RERE: variants seen among roughly 807,000 people sequenced by gnomAD.
RERE encodes the protein arginine-glutamic acid dipeptide repeats protein.
In RERE, 40 loss-of-function variants were observed where a neutral mutation model predicts 146.1. That is an observed-to-expected ratio of 0.27 (90% CI 0.21 to 0.36). The LOEUF is 0.36. Among genes scored for constraint, RERE ranks in the 10% least tolerant of loss-of-function variants. The pLI, the probability that RERE is intolerant of heterozygous loss-of-function variation, is 1.00. For missense variants in RERE, 1,933 were observed against 2,138.7 expected (o/e 0.90, Z 1.90); for synonymous variants, 1,003 against 866.0 (o/e 1.16, Z -2.78).
At chr1:8,568,365 T>A (rs1646177357) in intron 4 of RERE, among the ~76,000 whole-genome samples, 1 of 152,132 alleles carries the variant, frequency 6.6e-6, no homozygotes, top group South Asian at 2.1e-4. Flanking sequence ...CTTCCCCGCA[T>A]CTCCAGCTTG....
At chr1:8,636,978 T>A (rs907169299) in intron 2 of RERE, among the ~76,000 whole-genome samples, 10 of 151,870 alleles carry the variant, frequency 6.6e-5, no homozygotes, top group African/African-American at 2.4e-4. Context: ...TATTTTTAAA[T>A]CGGCAAAATA....
At chr1:8,557,345 A>T in intron 5 of RERE, 73 bp downstream of exon 5, 1 of 1,008,494 alleles carries the variant, frequency 9.9e-7, no homozygotes, top group Non-Finnish European at 1.6e-6. Context: ...ATCTTCATTT[A>T]ATGAAATGTC....
At chr1:8,503,417 A>G (rs1570356417) in intron 8 of RERE, among the ~76,000 whole-genome samples, 1 of 152,196 alleles carries the variant, frequency 6.6e-6, no homozygotes, top group African/African-American at 2.4e-5. Flanking sequence ...ATCAAAATCT[A>G]TATGCACAGG....
intron 4 of RERE, among the ~76,000 whole-genome samples, chr1:8,612,165 C>A (rs1210053766): frequency 6.6e-6 from 1 of 152,146 alleles, no homozygotes; most frequent in Non-Finnish European, 1.5e-5. Context: ...ACTAAATTAA[C>A]AAAAATAGTC....
intron 1 of RERE, among the ~76,000 whole-genome samples, chr1:8,745,643 C>T (rs1490565228): frequency 6.6e-6 from 1 of 152,220 alleles, no homozygotes; most frequent in Non-Finnish European, 1.5e-5. Flanking sequence ...GAAGTCTAAA[C>T]TCCTTAATAC....
At chr1:8,539,830 G>C (rs111327450) in intron 7 of RERE, among the ~76,000 whole-genome samples, 3 of 152,034 alleles carry the variant, frequency 2.0e-5, no homozygotes, top group African/African-American at 7.2e-5. Flanking sequence ...AATATTGAGA[G>C]GAAGAGAGGG....
intron 12 of RERE, among the ~76,000 whole-genome samples, chr1:8,387,856 C>G (rs757498247): frequency 2.0e-5 from 3 of 152,178 alleles, no homozygotes; most frequent in Non-Finnish European, 2.9e-5. Context: ...ATCTGCTTTT[C>G]TTGGTAAAAT....
chr1:8,372,409 T>C (rs1164996501), intron 12 of RERE, among the ~76,000 whole-genome samples: 2 of 151,714 alleles, frequency 1.3e-5, no homozygotes, highest in Non-Finnish European at 2.9e-5. Flanking sequence ...GTCTGGACAC[T>C]CCCCTGAGGA....
At chr1:8,536,177 C>T (rs1187552128) in intron 7 of RERE, among the ~76,000 whole-genome samples, 2 of 151,724 alleles carry the variant, frequency 1.3e-5, no homozygotes, top group African/African-American at 4.8e-5. Context: ...TTCTGCAATT[C>T]CCAAGAAGAA....
chr1:8,572,669 A>C (rs1192212267), intron 4 of RERE, among the ~76,000 whole-genome samples: 1 of 152,210 alleles, frequency 6.6e-6, no homozygotes, highest in Non-Finnish European at 1.5e-5. Context: ...ATGGTTGCTG[A>C]GTATATAGAA....
chr1:8,576,765 A>G (rs976315944), intron 4 of RERE, among the ~76,000 whole-genome samples: 1 of 152,266 alleles, frequency 6.6e-6, no homozygotes, highest in Non-Finnish European at 1.5e-5. Context: ...ATTATGTTTT[A>G]CAGAAACATA....
intron 10 of RERE, 117 bp from the exon 11 acceptor site, chr1:8,466,140 G>A (rs1209678150): frequency 6.3e-6 from 5 of 789,730 alleles, no homozygotes; most frequent in Non-Finnish European, 7.9e-6. Context: ...AAGGGGCACT[G>A]AGACTCCATC....
intron 12 of RERE, among the ~76,000 whole-genome samples, chr1:8,366,931 AAAAAAAAAAAC>A (rs1320537194): frequency 6.7e-5 from 10 of 148,702 alleles, no homozygotes; most frequent in African/African-American, 7.7e-5. Flanking sequence ...AAAAAAAACA[AAAAAAAAAAAC>A]CCAAAAAACA....
In RERE at chr1:8,354,362, C is replaced by T. The variant is rs140531389; in HGVS notation, c.*725G>A. 2.6e-5 allele frequency: 4 copies of T among 152,746 alleles called. No homozygotes were observed. The highest frequency in any genetic ancestry group is 9.6e-5 in the African/African-American group (4 of 41,568). The allele number at this position is 152,746 out of a possible 1,614,324, so 9.5% of individuals were successfully genotyped here. On this transcript the variant is annotated 3_prime_UTR_variant, in exon 23 of 23. Coordinates refer to ENST00000400908, the MANE Select transcript of RERE (RefSeq NM_001042681.2). ...GCTGTGACCAGGCCTCGGTCCAAGC[C>T]TCTGTCCATGTGGAACGCCCCTTTG...
At chr1:8,722,884 G>A (rs898831249) in intron 1 of RERE, among the ~76,000 whole-genome samples, 22 of 152,156 alleles carry the variant, frequency 1.4e-4, no homozygotes, top group African/African-American at 5.3e-4. Flanking sequence ...AATCCCCCAC[G>A]AATACTGAGA....
chr1:8,470,035 G>A (rs1182506645), intron 10 of RERE, among the ~76,000 whole-genome samples: 2 of 152,100 alleles, frequency 1.3e-5, no homozygotes, highest in African/African-American at 2.4e-5. Context: ...ACGGTAACTC[G>A]AGCTTCCTTC....
At chr1:8,722,414 TA>T (rs1262784150) in intron 1 of RERE, among the ~76,000 whole-genome samples, 1 of 152,224 alleles carries the variant, frequency 6.6e-6, no homozygotes, top group Non-Finnish European at 1.5e-5. Context: ...GGTACTGCTG[TA>T]AGTATTATAC....
At chr1:8,647,381 T>TTAA (rs1235697449) in intron 2 of RERE, among the ~76,000 whole-genome samples, 2 of 152,186 alleles carry the variant, frequency 1.3e-5, no homozygotes, top group Non-Finnish European at 2.9e-5. Context: ...TTTAAGCAGA[T>TTAA]TAATAATAGG....
intron 1 of RERE, among the ~76,000 whole-genome samples, chr1:8,779,495 T>C (rs1046983097): frequency 6.6e-6 from 1 of 151,902 alleles, no homozygotes; most frequent in Non-Finnish European, 1.5e-5. Flanking sequence ...AAACCCCATT[T>C]CTACTAAAAA....
Sources: allele counts gnomAD v4.1 joint callset (sites outside exome capture counted in the v4.1 genomes callset), GRCh38; gene constraint gnomAD v4.1.1; transcripts MANE v1.5; gene names NCBI Gene and HGNC (gene_info 2026-07-23, HGNC 2026-07-21).